The following PRKCA variants were observed in gnomAD, a reference collection of about 807,000 sequenced individuals.
PRKCA encodes the protein protein kinase C alpha type.
Under a neutral mutation model 87.0 loss-of-function variants are expected in PRKCA, and 27 were observed. The observed-to-expected ratio is 0.31, with a 90% CI of 0.23 to 0.43. PRKCA has a LOEUF of 0.43. Ranked by LOEUF, PRKCA falls within the 20% of genes least tolerant of loss-of-function variation. The pLI is 1.00. For missense variants in PRKCA, 518 were observed against 852.3 expected (o/e 0.61, Z 4.88); for synonymous variants, 329 against 311.1 (o/e 1.06, Z -0.61).
chr17:66,442,596 C>T (rs926804723), intron 2 of PRKCA, among the ~76,000 whole-genome samples: 3 of 152,240 alleles, frequency 2.0e-5, no homozygotes, highest in Non-Finnish European at 1.5e-5. Flanking sequence ...CGTCTCCAGC[C>T]GCCTCTCCTC....
Position 66,376,861 on chromosome 17 carries a change from C to T in PRKCA, c.205+70734C>T, listed in dbSNP as rs903011858. ...TCCTTGTTGTGTGGACCTGTGAGTA[C>T]ACACCCTGGAAAGGCAAGTCAAGGC... On this transcript the variant is annotated intron_variant, in intron 2 of 16. Transcript: ENST00000413366. Among the ~76,000 whole-genome samples the T allele has an allele frequency of 6.6e-5, 10 of 152,138 alleles. No homozygotes were observed. The South Asian group carries it at 2.1e-3, about 32-fold the overall frequency.
intron 3 of PRKCA, among the ~76,000 whole-genome samples, chr17:66,537,662 G>A (rs1237060589): frequency 6.6e-6 from 1 of 152,148 alleles, no homozygotes; most frequent in Non-Finnish European, 1.5e-5. Flanking sequence ...TCTCATCTTT[G>A]CAGTAGAAAA....
chr17:66,353,091 A>G (rs1002355157), intron 2 of PRKCA, among the ~76,000 whole-genome samples: 6 of 152,084 alleles, frequency 3.9e-5, no homozygotes, highest in Non-Finnish European at 8.8e-5. Flanking sequence ...TTTTTATGCC[A>G]TGCACTCCAG....
At chr17:66,480,280 C>G (rs1308378345) in intron 2 of PRKCA, among the ~76,000 whole-genome samples, 1 of 152,072 alleles carries the variant, frequency 6.6e-6, no homozygotes, top group African/African-American at 2.4e-5. Flanking sequence ...TTCAGATTTC[C>G]TTTTTGGAGG....
intron 2 of PRKCA, among the ~76,000 whole-genome samples, chr17:66,463,801 C>T (rs189949815): frequency 6.6e-6 from 1 of 152,158 alleles, no homozygotes; most frequent in African/African-American, 2.4e-5. Flanking sequence ...TTTCTCTGTG[C>T]CTGCACAGCA....
Position 66,762,956 on chromosome 17 carries a change from G to T in PRKCA, c.1525-11031G>T, listed in dbSNP as rs566437828. ...CAGGCATGTGCCACCACGTCCAGCT[G>T]ATTTTTGTATTTTTAGTAGAGACAG... On this transcript the variant is annotated intron_variant, in intron 13 of 16. Transcript: ENST00000413366. Among the ~76,000 whole-genome samples, 349 of 152,200 alleles carry T rather than the reference G, an allele frequency of 2.3e-3. 1 individual carries two copies. Among genetic ancestry groups the T allele is most frequent in the African/African-American group, 7.1e-3 (297 of 41,550 alleles).
chr17:66,747,244 A>G (rs780025175), intron 13 of PRKCA, among the ~76,000 whole-genome samples: 23 of 152,078 alleles, frequency 1.5e-4, no homozygotes, highest in Non-Finnish European at 2.8e-4. Context: ...AATTTTAAAA[A>G]AATTTTGTAG....
intron 2 of PRKCA, among the ~76,000 whole-genome samples, chr17:66,312,266 G>A (rs1417969849): frequency 6.6e-6 from 1 of 152,186 alleles, no homozygotes; most frequent in Non-Finnish European, 1.5e-5. Flanking sequence ...ACAGGCGTGG[G>A]CCACTGCACC....
chr17:66,341,025 C>A (rs531335415), intron 2 of PRKCA, among the ~76,000 whole-genome samples: 33 of 152,240 alleles, frequency 2.2e-4, no homozygotes, highest in Non-Finnish European at 3.2e-4. Context: ...TATTACGGAT[C>A]TGAAAAATCA....
chr17:66,525,605 A>T (rs1967319976), intron 3 of PRKCA, among the ~76,000 whole-genome samples: 1 of 152,158 alleles, frequency 6.6e-6, no homozygotes, highest in African/African-American at 2.4e-5. Context: ...CTTCAGATGG[A>T]TGTAAATAGT....
chr17:66,526,940 G>A (rs1967365351), intron 3 of PRKCA, among the ~76,000 whole-genome samples: 1 of 152,148 alleles, frequency 6.6e-6, no homozygotes, highest in Non-Finnish European at 1.5e-5. Context: ...TGTATACCAG[G>A]GGTTGCAAAC....
chr17:66,525,309 A>C (rs1967309714), intron 3 of PRKCA, among the ~76,000 whole-genome samples: 1 of 152,224 alleles, frequency 6.6e-6, no homozygotes, highest in South Asian at 2.1e-4. Context: ...CATCAGCATC[A>C]TATTTTTTTG....
chr17:66,723,664 G>C (rs1043501634), intron 8 of PRKCA, among the ~76,000 whole-genome samples: 2 of 151,864 alleles, frequency 1.3e-5, no homozygotes, highest in African/African-American at 2.4e-5. Flanking sequence ...TGACGACCAG[G>C]GTGGAGGGAA....
At chr17:66,605,911 C>T (rs1444182908) in intron 3 of PRKCA, among the ~76,000 whole-genome samples, 1 of 151,624 alleles carries the variant, frequency 6.6e-6, no homozygotes, top group Non-Finnish European at 1.5e-5. Context: ...TTAGTGGTTA[C>T]CTAGGGCTGG....
At chr17:66,506,695 T>C (rs1916997117) in intron 3 of PRKCA, among the ~76,000 whole-genome samples, 1 of 152,232 alleles carries the variant, frequency 6.6e-6, no homozygotes, top group Admixed American at 6.5e-5. Context: ...ACACACCTGA[T>C]GGGCTTTTCT....
chr17:66,399,677 TTAAC>T (rs1305763316), intron 2 of PRKCA, among the ~76,000 whole-genome samples: 3 of 152,228 alleles, frequency 2.0e-5, no homozygotes, highest in African/African-American at 7.2e-5. Context: ...TTTGACTGCT[TTAAC>T]TAACTCATAA....
intron 3 of PRKCA, among the ~76,000 whole-genome samples, chr17:66,632,150 C>T (rs996624564): frequency 6.6e-6 from 1 of 152,056 alleles, no homozygotes; most frequent in Non-Finnish European, 1.5e-5. Flanking sequence ...ATGAAGCAGC[C>T]GGAATATAGC....
intron 3 of PRKCA, among the ~76,000 whole-genome samples, chr17:66,622,801 A>G (rs985434877): frequency 6.6e-6 from 1 of 152,110 alleles, no homozygotes; most frequent in Non-Finnish European, 1.5e-5. Context: ...AAAAGTGGAA[A>G]CCCCTTATAA....
chr17:66,363,588 C>A (rs2143492194), intron 2 of PRKCA, among the ~76,000 whole-genome samples: 1 of 152,318 alleles, frequency 6.6e-6, no homozygotes, highest in East Asian at 1.9e-4. Context: ...AGCGCTATTC[C>A]AATAAAGCCA....
Sources: allele counts gnomAD v4.1 joint callset (sites outside exome capture counted in the v4.1 genomes callset), GRCh38; gene constraint gnomAD v4.1.1; transcripts MANE v1.5; gene names NCBI Gene and HGNC (gene_info 2026-07-23, HGNC 2026-07-21).